CPED1: variants seen among roughly 807,000 people sequenced by gnomAD.
CPED1 encodes cadherin-like and PC-esterase domain-containing protein 1.
In CPED1, 114 loss-of-function variants were observed where a neutral mutation model predicts 128.2. The observed-to-expected ratio is 0.89, with a 90% CI of 0.76 to 1.04. CPED1 has a LOEUF of 1.04. Ranked by LOEUF, CPED1 falls within the 50% of genes least tolerant of loss-of-function variation. The probability of loss-of-function intolerance (pLI) is 0.00; values close to 1 mark genes in which losing one functional copy is unlikely to be tolerated. For synonymous variants in CPED1, 462 were observed against 426.7 expected (o/e 1.08, Z -1.02); for missense variants, 1,211 against 1,207.1 (o/e 1.00, Z -0.05).
At chr7:121,037,015 A>C (rs1034428104) in intron 3 of CPED1, among the ~76,000 whole-genome samples, 1 of 151,956 alleles carries the variant, frequency 6.6e-6, no homozygotes, top group Non-Finnish European at 1.5e-5. Context: ...GATTTGTTTG[A>C]GTTCCTTGTA....
At chr7:121,024,604 T>G (rs886645081) in intron 3 of CPED1, among the ~76,000 whole-genome samples, 1 of 152,236 alleles carries the variant, frequency 6.6e-6, no homozygotes, top group Non-Finnish European at 1.5e-5. Context: ...TCTTGTTAGA[T>G]GTACTTTCTT....
intron 5 of CPED1, among the ~76,000 whole-genome samples, chr7:121,068,405 G>T (rs939840328): frequency 5.9e-5 from 9 of 151,948 alleles, no homozygotes; most frequent in African/African-American, 2.2e-4. Context: ...TGTCAGGTTT[G>T]TCAAAGATCA....
chr7:121,247,227 G>A (rs781649886), intron 18 of CPED1, among the ~76,000 whole-genome samples: 4 of 152,132 alleles, frequency 2.6e-5, no homozygotes, highest in Non-Finnish European at 4.4e-5. Context: ...AAAATCCAAC[G>A]CATACCTACA....
At chr7:121,201,442 AAGAGAAAG>A (rs1389447410) in intron 16 of CPED1, among the ~76,000 whole-genome samples, 1 of 131,382 alleles carries the variant, frequency 7.6e-6, no homozygotes, top group Non-Finnish European at 1.6e-5. Flanking sequence ...TCAAGAAAGA[AAGAGAAAG>A]AGAGAAAGAG....
chr7:121,158,004 A>T (rs559118120), intron 16 of CPED1, among the ~76,000 whole-genome samples: 30 of 152,192 alleles, frequency 2.0e-4, no homozygotes, highest in African/African-American at 7.2e-4. Flanking sequence ...AACTGTAAAA[A>T]ATTTTTTGAT....
chr7:121,230,990 A>T (rs1188501999), intron 16 of CPED1, among the ~76,000 whole-genome samples: 1 of 152,054 alleles, frequency 6.6e-6, no homozygotes, highest in African/African-American at 2.4e-5. Flanking sequence ...ATGTGTCTGG[A>T]AGCCCTGAGA....
At chr7:121,251,926 C>T (rs1260958323) in intron 18 of CPED1, among the ~76,000 whole-genome samples, 1 of 151,832 alleles carries the variant, frequency 6.6e-6, no homozygotes, top group Non-Finnish European at 1.5e-5. Flanking sequence ...CCCCATCAAG[C>T]TACCAATGAC....
intron 22 of CPED1, among the ~76,000 whole-genome samples, chr7:121,293,756 G>A (rs1235321391): frequency 6.6e-6 from 1 of 151,994 alleles, no homozygotes; most frequent in Non-Finnish European, 1.5e-5. Context: ...CTTGGCTAGG[G>A]GAGGGAGTTC....
chr7:120,992,808 C>A (rs768710004), intron 2 of CPED1, among the ~76,000 whole-genome samples: 5 of 152,014 alleles, frequency 3.3e-5, no homozygotes, highest in African/African-American at 9.7e-5. Context: ...ATGAGAAGAC[C>A]TTTTGTACTT....
At chr7:121,026,666 TAA>T (rs36038620) in intron 3 of CPED1, among the ~76,000 whole-genome samples, 1,916 of 136,522 alleles carry the variant, frequency 0.014, 11 homozygotes, top group East Asian at 0.064. Context: ...CATCATTATT[TAA>T]AAAAAAAAAA....
At chr7:121,203,385 A>ATGTTT (rs1797445311) in intron 16 of CPED1, among the ~76,000 whole-genome samples, 1 of 152,078 alleles carries the variant, frequency 6.6e-6, no homozygotes, top group African/African-American at 2.4e-5. Flanking sequence ...GCAAACATAC[A>ATGTTT]AATCACCCCC....
chr7:121,160,646 C>T (rs989482210), intron 16 of CPED1, among the ~76,000 whole-genome samples: 4 of 152,158 alleles, frequency 2.6e-5, no homozygotes, highest in Non-Finnish European at 5.9e-5. Flanking sequence ...TGAGATACTG[C>T]TGCTGGTAAG....
At chr7:120,994,900 T>C (rs1796370390) in intron 2 of CPED1, among the ~76,000 whole-genome samples, 1 of 152,154 alleles carries the variant, frequency 6.6e-6, no homozygotes, top group South Asian at 2.1e-4. Context: ...GGAAGACCAG[T>C]TGGTAGGCTG....
chr7:121,266,928 TAAAGTC>T, intron 20 of CPED1, 120 bp downstream of exon 20: 1 of 719,776 alleles, frequency 1.4e-6, no homozygotes, highest in Non-Finnish European at 2.4e-6. Flanking sequence ...ATTAAGTACT[TAAAGTC>T]TAGTTTAAAA....
chr7:121,119,866 T>C (rs1313060636), intron 7 of CPED1, among the ~76,000 whole-genome samples: 1 of 152,128 alleles, frequency 6.6e-6, no homozygotes. Flanking sequence ...TTACTTTCTG[T>C]TTTTATACAT....
intron 5 of CPED1, among the ~76,000 whole-genome samples, chr7:121,065,108 A>G (rs1306239955): frequency 6.6e-6 from 1 of 152,196 alleles, no homozygotes; most frequent in Non-Finnish European, 1.5e-5. Flanking sequence ...CAAATAATCT[A>G]TCTTAATCCA....
At chr7:121,253,159 G>GT (rs1755508258) in intron 18 of CPED1, among the ~76,000 whole-genome samples, 1 of 151,964 alleles carries the variant, frequency 6.6e-6, no homozygotes, top group Admixed American at 6.6e-5. Context: ...CATGTCCTTT[G>GT]TAGGGACATG....
intron 16 of CPED1, among the ~76,000 whole-genome samples, chr7:121,159,368 T>C (rs1015504142): frequency 3.9e-5 from 6 of 152,100 alleles, no homozygotes; most frequent in African/African-American, 1.4e-4. Context: ...GGAGTTGAGA[T>C]TATAATTTGG....
chr7:121,047,045 A>C (rs1585037736), intron 4 of CPED1, 52 bp downstream of exon 4: 1 of 1,108,072 alleles, frequency 9.0e-7, no homozygotes, highest in African/African-American at 1.6e-5. Flanking sequence ...AGATATTAAC[A>C]CTGGCATTTC....
Sources: gnomAD v4.1 joint callset for allele counts (sites outside exome capture counted in the v4.1 genomes callset) on GRCh38, gnomAD v4.1.1 for gene constraint, MANE v1.5 for transcripts, NCBI Gene and HGNC (gene_info 2026-07-23, HGNC 2026-07-21) for gene names.